The following ADAMTS12 variants were observed in gnomAD, a reference collection of about 807,000 sequenced individuals.
The protein encoded by ADAMTS12 is A disintegrin and metalloproteinase with thrombospondin motifs 12.
Under a neutral mutation model 167.8 loss-of-function variants are expected in ADAMTS12, and 118 were observed. The ratio of observed to expected loss-of-function variants is 0.70; its 90% CI spans 0.61 to 0.82. ADAMTS12 has a LOEUF of 0.82. Among genes scored for constraint, ADAMTS12 ranks in the 40% least tolerant of loss-of-function variants. The pLI is 0.00. For missense variants in ADAMTS12, 1,916 were observed against 1,998.8 expected (o/e 0.96, Z 0.79); for synonymous variants, 704 against 716.9 (o/e 0.98, Z 0.29).
At chr5:33,835,473 T>C (rs1170758999) in intron 2 of ADAMTS12, among the ~76,000 whole-genome samples, 1 of 152,228 alleles carries the variant, frequency 6.6e-6, no homozygotes, top group Non-Finnish European at 1.5e-5. Flanking sequence ...CAGAAATTTA[T>C]TTCTCACAGT....
chr5:33,707,824 A>T (rs749783820), intron 3 of ADAMTS12, among the ~76,000 whole-genome samples: 1 of 152,238 alleles, frequency 6.6e-6, no homozygotes, highest in Admixed American at 6.5e-5. Flanking sequence ...AAGGACTTAA[A>T]CATAAGACCT....
chr5:33,703,361 C>T (rs1743069186), intron 3 of ADAMTS12, among the ~76,000 whole-genome samples: 1 of 152,138 alleles, frequency 6.6e-6, no homozygotes, highest in South Asian at 2.1e-4. Context: ...GTCATAAACT[C>T]ATCCATAACA....
intron 16 of ADAMTS12, among the ~76,000 whole-genome samples, chr5:33,602,086 T>TC (rs1738215754): frequency 6.6e-6 from 1 of 152,088 alleles, no homozygotes; most frequent in African/African-American, 2.4e-5. Context: ...AAGCAGCCAG[T>TC]CAGCATTCCA....
chr5:33,848,640 A>G (rs2910633), intron 2 of ADAMTS12, among the ~76,000 whole-genome samples: 11,054 of 152,078 alleles, frequency 0.073, 985 homozygotes, highest in East Asian at 0.2. Flanking sequence ...AGGTTGTTGG[A>G]ATTGTTGAGA....
intron 2 of ADAMTS12, among the ~76,000 whole-genome samples, chr5:33,762,106 C>T (rs1389955675): frequency 6.7e-6 from 1 of 149,944 alleles, no homozygotes; most frequent in Non-Finnish European, 1.5e-5. Context: ...ACAGGAGAAT[C>T]GCTTGAACCT....
intron 11 of ADAMTS12, among the ~76,000 whole-genome samples, chr5:33,638,750 G>A (rs1273037182): frequency 6.6e-6 from 1 of 152,112 alleles, no homozygotes; most frequent in Non-Finnish European, 1.5e-5. Flanking sequence ...AGTACTTTGG[G>A]CATAGGAGGC....
At position 33,584,079 on chromosome 5, in the gene ADAMTS12, C is replaced by A. The variant is rs1006101939; in HGVS notation, c.2865+4520G>T. 1.3e-5 allele frequency among the ~76,000 whole-genome samples: 2 copies of A among 152,178 alleles called. 1 individual carries two copies. Among genetic ancestry groups the A allele is most frequent in the South Asian group, 4.1e-4 (2 of 4,826 alleles). On this transcript the variant is annotated intron_variant, in intron 18 of 23. Transcript: ENST00000504830. ...TTCAGAGTAGACGCTGTGCTGCCTG[C>A]GTTCAAATCCTGGCTCCGTGGTTTA...
In ADAMTS12 at chr5:33,577,267, C is replaced by T. The variant is rs2111968370; in HGVS notation, c.2866-107G>A. On this transcript the variant is annotated intron_variant, in intron 18 of 23. Coordinates refer to ENST00000504830, the MANE Select transcript of ADAMTS12 (RefSeq NM_030955.4). Reference sequence around the variant, plus strand: ...GCCTGATGGAAACTAAACTATGCAGCTAAAATTGTCTGCTATCTACATTTG... The same window carrying T: ...GCCTGATGGAAACTAAACTATGCAGTTAAAATTGTCTGCTATCTACATTTG... 4.7e-6 allele frequency: 7 copies of T among 1,477,368 alleles called. No homozygotes were observed. In the East Asian group the frequency reaches 1.4e-4, roughly 29 times the overall value. The allele number at this position is 1,477,368 out of a possible 1,614,324, so 91.5% of individuals were successfully genotyped here.
chr5:33,830,446 A>G (rs1748252162), intron 2 of ADAMTS12, among the ~76,000 whole-genome samples: 1 of 152,158 alleles, frequency 6.6e-6, no homozygotes, highest in Non-Finnish European at 1.5e-5. Context: ...TAAAACACAG[A>G]AGTGTCTGGG....
intron 3 of ADAMTS12, among the ~76,000 whole-genome samples, chr5:33,734,643 A>G (rs1369787331): frequency 6.6e-6 from 1 of 152,254 alleles, no homozygotes; most frequent in African/African-American, 2.4e-5. Flanking sequence ...ATGATTCACG[A>G]ATAAAGTATG....
chr5:33,856,392 T>A (rs2111670249), intron 2 of ADAMTS12, among the ~76,000 whole-genome samples: 1 of 152,252 alleles, frequency 6.6e-6, no homozygotes, highest in African/African-American at 2.4e-5. Context: ...ACTCTTATAG[T>A]CACACATATT....
intron 7 of ADAMTS12, among the ~76,000 whole-genome samples, chr5:33,657,150 T>C (rs1454600847): frequency 1.3e-5 from 2 of 152,230 alleles, no homozygotes; most frequent in Non-Finnish European, 2.9e-5. Flanking sequence ...AAAGCAATGC[T>C]CTGGCTTTAT....
intron 6 of ADAMTS12, among the ~76,000 whole-genome samples, chr5:33,661,669 T>TA (rs1230347852): frequency 6.6e-5 from 10 of 152,178 alleles, no homozygotes; most frequent in African/African-American, 2.4e-4. Flanking sequence ...AGTGGGATAG[T>TA]AAAGAGGCCT....
At chr5:33,740,746 G>A (rs751651509) in intron 3 of ADAMTS12, among the ~76,000 whole-genome samples, 2 of 152,136 alleles carry the variant, frequency 1.3e-5, no homozygotes, top group African/African-American at 2.4e-5. Flanking sequence ...CAAGACAGGC[G>A]GTCACAGTGG....
chr5:33,689,744 C>T (rs553586717), intron 3 of ADAMTS12, among the ~76,000 whole-genome samples: 1 of 152,312 alleles, frequency 6.6e-6, no homozygotes, highest in Non-Finnish European at 1.5e-5. Flanking sequence ...ACTGGCCTGA[C>T]CCAAACCACC....
rs760353322 is a variant in ADAMTS12 at position 33,595,980 on chromosome 5, G to T, written c.2608C>A (p.Pro870Thr). Residue 870 changes from proline to threonine, a missense_variant, in exon 17 of 24, where the codon CCC becomes ACC. Pro to Thr is a conservative substitution (Grantham distance 38). Coordinates refer to ENST00000504830, the MANE Select transcript of ADAMTS12 (RefSeq NM_030955.4). ...KATFCDPETQ[P>T]NGRQKKCHEK... ...TGGCACTTCTTCTGTCTCCCATTGGGCTGTGTTTCTGGGTCACAGAATGTA... is the reference window on the plus strand; with the variant it reads ...TGGCACTTCTTCTGTCTCCCATTGGTCTGTGTTTCTGGGTCACAGAATGTA... 6 of 1,614,110 alleles carry T rather than the reference G, an allele frequency of 3.7e-6. No homozygotes were observed. Among genetic ancestry groups the T allele is most frequent in the Non-Finnish European group, 4.2e-6 (5 of 1,179,982 alleles).
chr5:33,559,027 C>T (rs113163214), intron 20 of ADAMTS12, among the ~76,000 whole-genome samples: 2,679 of 152,278 alleles, frequency 0.018, 25 homozygotes, highest in Non-Finnish European at 0.026. Flanking sequence ...GAAAGACCGA[C>T]CATCAGACAG....
Position 33,683,029 on chromosome 5 carries a change from C to T in ADAMTS12, c.904G>A (p.Glu302Lys), listed in dbSNP as rs780005218. 3.0e-5 allele frequency: 48 copies of T among 1,611,720 alleles called. No homozygotes were observed. The highest frequency in any genetic ancestry group is 1.6e-4 in the Middle Eastern group (1 of 6,080). Residue 302 changes from glutamate to lysine, a missense_variant, in exon 5 of 24, where the codon GAA (glutamate) becomes AAA (lysine). Coordinates refer to ENST00000504830, the MANE Select transcript of ADAMTS12 (RefSeq NM_030955.4). ...GGAAAAAATGTTACCTCTTCTTCTT[C>T]GAGTAGAATGAGCCGAACCACAACA... ...HIVVVRLILL[E>K]EEEQGLKIVH...
chr5:33,713,534 G>A (rs554494968), intron 3 of ADAMTS12, among the ~76,000 whole-genome samples: 8 of 152,136 alleles, frequency 5.3e-5, no homozygotes, highest in Non-Finnish European at 1.2e-4. Flanking sequence ...AATGGACCCA[G>A]TATGGGCATT....
Sources: gnomAD v4.1 joint callset for allele counts (sites outside exome capture counted in the v4.1 genomes callset) on GRCh38, gnomAD v4.1.1 for gene constraint, MANE v1.5 for transcripts, NCBI Gene and HGNC (gene_info 2026-07-23, HGNC 2026-07-21) for gene names.